DPYD: variants seen among roughly 807,000 people sequenced by gnomAD.
The protein encoded by DPYD is dihydropyrimidine dehydrogenase.
DPYD carries 109 observed loss-of-function variants against 116.2 expected under a neutral mutation model. That is an observed-to-expected ratio of 0.94 (90% confidence interval 0.80 to 1.10). The LOEUF (loss-of-function observed/expected upper bound fraction) is 1.10, where lower values mean the gene tolerates loss of function less well. Among genes scored for constraint, DPYD ranks in the 50% least tolerant of loss-of-function variants. DPYD has a pLI of 0.00. For synonymous variants in DPYD, 440 were observed against 432.0 expected (o/e 1.02, Z -0.23); for missense variants, 1,302 against 1,254.5 (o/e 1.04, Z -0.57).
rs56009010 is a variant in DPYD, at chr1:97,201,907, CTT to C, written c.2443-8661_2443-8660del. ...TTATATTCTTAGGTCTCTCAAGCAG[CTT>C]TTTTTTTTTTTTTCCCAAAGTGATA... On this transcript the variant is annotated intron_variant, in intron 19 of 22. Transcript: ENST00000370192. 3.5e-4 allele frequency among the ~76,000 whole-genome samples: 50 copies of C among 142,354 alleles called. 1 individual carries two copies. Among genetic ancestry groups the C allele is most frequent in the East Asian group, 1.8e-3 (9 of 4,968 alleles). 93.4% of individuals were successfully genotyped at this position (142,354 alleles called of 152,430 possible).
At chr1:97,246,961 T>TTATACA (rs1373385513) in intron 18 of DPYD, among the ~76,000 whole-genome samples, 4 of 152,124 alleles carry the variant, frequency 2.6e-5, no homozygotes, top group African/African-American at 9.7e-5. Flanking sequence ...TCTGTACTCT[T>TTATACA]TATACATGTC....
intron 13 of DPYD, among the ~76,000 whole-genome samples, chr1:97,503,213 C>A (rs1318363533): frequency 6.6e-6 from 1 of 151,890 alleles, no homozygotes; most frequent in Non-Finnish European, 1.5e-5. Context: ...TACAATATTT[C>A]TCTTTATATT....
intron 14 of DPYD, among the ~76,000 whole-genome samples, chr1:97,386,823 C>T (rs1268723530): frequency 1.3e-5 from 2 of 151,810 alleles, no homozygotes; most frequent in African/African-American, 2.4e-5. Flanking sequence ...AAAGAGAAAG[C>T]AATTTTTAAA....
At chr1:97,918,051 C>A (rs1674310723) in intron 1 of DPYD, among the ~76,000 whole-genome samples, 1 of 152,026 alleles carries the variant, frequency 6.6e-6, no homozygotes, top group Non-Finnish European at 1.5e-5. Context: ...TTAAAGTCAT[C>A]GTTGACAAAA....
intron 20 of DPYD, among the ~76,000 whole-genome samples, chr1:97,158,357 G>A (rs886202124): frequency 6.6e-6 from 1 of 151,846 alleles, no homozygotes; most frequent in African/African-American, 2.4e-5. Flanking sequence ...CTAGGTGAAT[G>A]CTCTTTCTAG....
Position 97,646,942 on chromosome 1 carries a change from C to A in DPYD, c.850+32153G>T, listed in dbSNP as rs550339662. Among the ~76,000 whole-genome samples, 30 of 152,208 alleles carry A rather than the reference C, an allele frequency of 2.0e-4. No individual in the cohort carries two copies. The South Asian group carries it at 6.0e-3, about 30-fold the overall frequency. On this transcript the variant is annotated intron_variant, in intron 8 of 22. Coordinates refer to ENST00000370192, the MANE Select transcript of DPYD (RefSeq NM_000110.4). ...TGGTTGCTGTTGTTTCTTCCCCTCACCAGCATTGCTCATCTCAGTTCCCAT... is the reference window on the plus strand; with the variant it reads ...TGGTTGCTGTTGTTTCTTCCCCTCAACAGCATTGCTCATCTCAGTTCCCAT...
At chr1:97,725,192 C>T (rs1362348332) in intron 4 of DPYD, among the ~76,000 whole-genome samples, 1 of 151,416 alleles carries the variant, frequency 6.6e-6, no homozygotes, top group Non-Finnish European at 1.5e-5. Flanking sequence ...GACAGTAATT[C>T]CATTTACAAC....
chr1:97,736,545 T>G (rs905788639), intron 4 of DPYD, among the ~76,000 whole-genome samples: 5 of 152,032 alleles, frequency 3.3e-5, no homozygotes, highest in Admixed American at 1.3e-4. Flanking sequence ...ATTATAATAC[T>G]CTCATCAAAT....
intron 8 of DPYD, among the ~76,000 whole-genome samples, chr1:97,641,576 C>G (rs999597144): frequency 4.6e-5 from 7 of 152,018 alleles, no homozygotes; most frequent in African/African-American, 1.7e-4. Flanking sequence ...CTCTCAATAA[C>G]CTAGGTATTG....
In DPYD at chr1:97,820,867, A is replaced by G. The variant is rs370459509; in HGVS notation, c.233+7247T>C. Among the ~76,000 whole-genome samples, 37 of 152,286 alleles carry G rather than the reference A, an allele frequency of 2.4e-4. 1 individual carries two copies. In the East Asian group the frequency reaches 6.9e-3, roughly 29 times the overall value. On this transcript the variant is annotated intron_variant, in intron 3 of 22. Transcript: ENST00000370192. ...AGATATACTCATAAATCTATTAACAATCTATATTTTATGTGTATTAAGAAA... is the reference window on the plus strand; with the variant it reads ...AGATATACTCATAAATCTATTAACAGTCTATATTTTATGTGTATTAAGAAA...
intron 2 of DPYD, among the ~76,000 whole-genome samples, chr1:97,852,782 C>A (rs1670636676): frequency 6.6e-6 from 1 of 152,022 alleles, no homozygotes; most frequent in African/African-American, 2.4e-5. Flanking sequence ...ATGTGTTACC[C>A]CATGAAGCTG....
chr1:97,565,737 G>T (rs574164720), intron 11 of DPYD, among the ~76,000 whole-genome samples: 1 of 152,252 alleles, frequency 6.6e-6, no homozygotes, highest in East Asian at 1.9e-4. Context: ...GAAGGGCAAT[G>T]ACTCTTTTAC....
At chr1:97,325,186 T>C (rs1019043701) in intron 16 of DPYD, among the ~76,000 whole-genome samples, 3 of 152,064 alleles carry the variant, frequency 2.0e-5, no homozygotes, top group African/African-American at 4.8e-5. Flanking sequence ...TTTAAAACTT[T>C]GCGCTTTTTT....
At position 97,526,480 on chromosome 1, in the gene DPYD, C is replaced by G. The variant is rs575760360; in HGVS notation, c.1525-10539G>C. Among the ~76,000 whole-genome samples, 105 of 152,062 alleles carry G rather than the reference C, an allele frequency of 6.9e-4. No individual in the cohort carries two copies. The Middle Eastern group carries it at 0.02, about 30-fold the overall frequency. On this transcript the variant is annotated intron_variant, in intron 12 of 22. Coordinates refer to ENST00000370192, the MANE Select transcript of DPYD (RefSeq NM_000110.4). ...CCTTCCTACTAATTATATCAGAATC[C>G]CTTGGAGGGGGACTCAAATAATAGT...
At position 97,413,406 on chromosome 1, in the gene DPYD, A is replaced by G. The variant is rs531490271; in HGVS notation, c.1906-30945T>C. On this transcript the variant is annotated intron_variant, in intron 14 of 22. Coordinates refer to ENST00000370192, the MANE Select transcript of DPYD (RefSeq NM_000110.4). Reference sequence around the variant, plus strand: ...AGAGTAATGCGGATTTTTGCTATCTATTTAGGAGGAATTCACAATATAGTA... The same window carrying G: ...AGAGTAATGCGGATTTTTGCTATCTGTTTAGGAGGAATTCACAATATAGTA... Among the ~76,000 whole-genome samples, 8 of 152,288 alleles carry G rather than the reference A, an allele frequency of 5.3e-5. No homozygotes were observed. In the South Asian group the frequency reaches 1.5e-3, roughly 28 times the overall value.
Position 97,666,493 on chromosome 1 carries a change from G to GT in DPYD, c.850+12601dup, listed in dbSNP as rs147039972. 5.0e-3 allele frequency among the ~76,000 whole-genome samples: 762 copies of GT among 151,618 alleles called. 5 individuals carry two copies. Among genetic ancestry groups the GT allele is most frequent in the African/African-American group, 0.017 (718 of 41,338 alleles). Reference sequence around the variant, plus strand: ...TTTTAATTCTTGGTTGTGTGTGTGTGTTTTTTTTCTTTGATTACAAAATCA... The same window carrying GT: ...TTTTAATTCTTGGTTGTGTGTGTGTGTTTTTTTTTCTTTGATTACAAAATCA... On this transcript the variant is annotated intron_variant, in intron 8 of 22. Transcript: ENST00000370192.
At chr1:97,344,595 C>CCACACA (rs35038074) in intron 16 of DPYD, among the ~76,000 whole-genome samples, 24 of 148,876 alleles carry the variant, frequency 1.6e-4, no homozygotes, top group African/African-American at 5.9e-4. Context: ...ATATATGTCA[C>CCACACA]CACACACACA....
At chr1:97,203,075 G>T (rs533057599) in intron 19 of DPYD, among the ~76,000 whole-genome samples, 83 of 152,272 alleles carry the variant, frequency 5.5e-4, no homozygotes, top group Non-Finnish European at 9.3e-4. Context: ...GTTTGAGGAA[G>T]CTTGGCCACT....
intron 10 of DPYD, among the ~76,000 whole-genome samples, chr1:97,580,781 G>A (rs919593091): frequency 3.3e-5 from 5 of 151,914 alleles, no homozygotes; most frequent in East Asian, 1.9e-4. Context: ...TCTTACCCTC[G>A]CCTGTCTTCT....
Sources: gnomAD v4.1 joint callset for allele counts (sites outside exome capture counted in the v4.1 genomes callset) on GRCh38, gnomAD v4.1.1 for gene constraint, MANE v1.5 for transcripts, NCBI Gene and HGNC (gene_info 2026-07-23, HGNC 2026-07-21) for gene names.